The following SLC25A21 variants were observed in gnomAD, a reference collection of about 807,000 sequenced individuals.
SLC25A21 encodes the protein solute carrier family 25 member 21.
In SLC25A21, 47 loss-of-function variants were observed where a neutral mutation model predicts 43.8. The observed-to-expected ratio is 1.07, with a 90% CI of 0.85 to 1.37. The LOEUF is 1.37. Ranked by LOEUF, SLC25A21 falls within the 40% of genes most tolerant of loss-of-function variation. The pLI is 0.00. For missense variants in SLC25A21, 352 were observed against 350.2 expected, an observed-to-expected ratio of 1.00 and a Z score of -0.04; for synonymous variants, 131 against 121.3, an observed-to-expected ratio of 1.08 and a Z score of -0.52.
intron 2 of SLC25A21, among the ~76,000 whole-genome samples, chr14:36,858,855 G>C (rs848046): frequency 1.3e-5 from 2 of 152,078 alleles, no homozygotes; most frequent in South Asian, 2.1e-4. Flanking sequence ...CCTGAAGATA[G>C]ATTTTAGGGT....
At chr14:37,072,208 A>T (rs1314183587) in intron 1 of SLC25A21, among the ~76,000 whole-genome samples, 2 of 148,646 alleles carry the variant, frequency 1.3e-5, no homozygotes, top group African/African-American at 5.0e-5. Context: ...AAAGTGGAGG[A>T]AATACATCTT....
chr14:36,943,826 C>T (rs2138652864), intron 1 of SLC25A21, among the ~76,000 whole-genome samples: 1 of 152,204 alleles, frequency 6.6e-6, no homozygotes, highest in East Asian at 1.9e-4. Context: ...CCTAACTGGG[C>T]CTTCCAGTTA....
intron 3 of SLC25A21, among the ~76,000 whole-genome samples, chr14:36,779,510 T>C (rs1170970376): frequency 1.4e-5 from 2 of 144,232 alleles, no homozygotes; most frequent in African/African-American, 5.0e-5. Flanking sequence ...CCTATATATA[T>C]AAGAATAAAC....
At chr14:36,731,476 G>A (rs1411445599) in intron 4 of SLC25A21, among the ~76,000 whole-genome samples, 2 of 152,124 alleles carry the variant, frequency 1.3e-5, no homozygotes, top group African/African-American at 4.8e-5. Flanking sequence ...ATTTAAGTAA[G>A]ATTCCCTGAC....
chr14:36,843,554 CTG>C (rs1889450304), intron 2 of SLC25A21, among the ~76,000 whole-genome samples: 1 of 152,158 alleles, frequency 6.6e-6, no homozygotes, highest in Non-Finnish European at 1.5e-5. Flanking sequence ...CTTTCTCACT[CTG>C]TATATCTATC....
At chr14:37,120,359 T>C (rs1267596850) in intron 1 of SLC25A21, among the ~76,000 whole-genome samples, 1 of 152,196 alleles carries the variant, frequency 6.6e-6, no homozygotes, top group African/African-American at 2.4e-5. Flanking sequence ...AAAGAATACG[T>C]CTTACAAAGT....
At chr14:36,951,803 T>G (rs1157722931) in intron 1 of SLC25A21, among the ~76,000 whole-genome samples, 1 of 152,148 alleles carries the variant, frequency 6.6e-6, no homozygotes, top group Admixed American at 6.6e-5. Context: ...GCTAAGACCC[T>G]GCATTCTGAA....
chr14:37,070,087 G>A (rs1962140975), intron 1 of SLC25A21, among the ~76,000 whole-genome samples: 1 of 152,040 alleles, frequency 6.6e-6, no homozygotes, highest in Admixed American at 6.5e-5. Context: ...TTGGAACCTG[G>A]GTAATTTAAC....
At chr14:37,156,246 A>G (rs1054920518) in intron 1 of SLC25A21, among the ~76,000 whole-genome samples, 2 of 151,950 alleles carry the variant, frequency 1.3e-5, no homozygotes, top group African/African-American at 4.8e-5. Flanking sequence ...ATTAAATGGT[A>G]TTACTACAGA....
At chr14:36,782,627 C>A (rs2138381379) in intron 3 of SLC25A21, among the ~76,000 whole-genome samples, 1 of 152,284 alleles carries the variant, frequency 6.6e-6, no homozygotes, top group Admixed American at 6.5e-5. Flanking sequence ...CAGACCTTCT[C>A]TATGGATGTA....
At chr14:36,712,612 T>G (rs1883932697) in intron 6 of SLC25A21, among the ~76,000 whole-genome samples, 1 of 152,192 alleles carries the variant, frequency 6.6e-6, no homozygotes, top group Admixed American at 6.5e-5. Flanking sequence ...AATCCTATAG[T>G]CTTTGCTGAT....
In SLC25A21 at chr14:36,680,644, C is replaced by G. The variant is rs1272495821; in HGVS notation, c.*14G>C. 2.1e-5 allele frequency: 34 copies of G among 1,610,248 alleles called. No individual in the cohort carries two copies. Among genetic ancestry groups the G allele is most frequent in the Non-Finnish European group, 2.7e-5 (32 of 1,178,326 alleles). On this transcript the variant is annotated 3_prime_UTR_variant, in exon 10 of 10. Transcript: ENST00000331299. Reference sequence around the variant, plus strand: ...TATCCATTATCTCAAGGGGGAAAAACACTTCATAGGCAATCACCAGTTCTC... The same window carrying G: ...TATCCATTATCTCAAGGGGGAAAAAGACTTCATAGGCAATCACCAGTTCTC...
At position 37,050,841 on chromosome 14, in the gene SLC25A21, C is replaced by T. The variant is rs185949288; in HGVS notation, c.70+121440G>A. ...AATGGCCCACTCCCTGGGCATAAAG[C>T]GAATAATAATTTCAGTTTTCCTAAC... is the stretch of plus-strand genomic sequence containing the variant. On this transcript the variant is annotated intron_variant, in intron 1 of 9. Transcript: ENST00000331299. Among the ~76,000 whole-genome samples the T allele has an allele frequency of 3.2e-4, 48 of 152,230 alleles. No individual in the cohort carries two copies. The Middle Eastern group carries it at 0.021, about 65-fold the overall frequency.
intron 2 of SLC25A21, among the ~76,000 whole-genome samples, chr14:36,843,460 A>G (rs1889447485): frequency 6.6e-6 from 1 of 152,198 alleles, no homozygotes; most frequent in African/African-American, 2.4e-5. Flanking sequence ...AAACAGTCCT[A>G]CAAGGTAAAT....
chr14:36,681,526 T>C (rs1268585774), intron 9 of SLC25A21, among the ~76,000 whole-genome samples: 2 of 152,212 alleles, frequency 1.3e-5, no homozygotes, highest in Non-Finnish European at 2.9e-5. Context: ...TTTGATGCAG[T>C]AAATAGCATG....
chr14:36,759,399 G>C (rs779409453), intron 3 of SLC25A21, among the ~76,000 whole-genome samples: 1 of 151,948 alleles, frequency 6.6e-6, no homozygotes, highest in Non-Finnish European at 1.5e-5. Flanking sequence ...CCGTTTTGTC[G>C]TTCTTATGAG....
chr14:36,846,749 A>G (rs962053934), intron 2 of SLC25A21, among the ~76,000 whole-genome samples: 2 of 152,322 alleles, frequency 1.3e-5, no homozygotes, highest in Middle Eastern at 3.4e-3. Context: ...TGTTGAATAT[A>G]TAGCAAATGT....
chr14:37,043,425 C>T (rs1461083248), intron 1 of SLC25A21, among the ~76,000 whole-genome samples: 1 of 152,214 alleles, frequency 6.6e-6, no homozygotes, highest in Non-Finnish European at 1.5e-5. Flanking sequence ...AGTCTGAGCT[C>T]CAATCATAAA....
chr14:36,794,571 C>A (rs183941972), intron 3 of SLC25A21, among the ~76,000 whole-genome samples: 94 of 152,160 alleles, frequency 6.2e-4, no homozygotes, highest in African/African-American at 2.2e-3. Flanking sequence ...AGTTTGAGAC[C>A]AGCCTGACCA....
Sources: gnomAD v4.1 joint callset for allele counts (sites outside exome capture counted in the v4.1 genomes callset) on GRCh38, gnomAD v4.1.1 for gene constraint, MANE v1.5 for transcripts, NCBI Gene and HGNC (gene_info 2026-07-23, HGNC 2026-07-21) for gene names.